The following MAPRE3 variants were observed in gnomAD, a reference collection of about 807,000 sequenced individuals.
MAPRE3 encodes microtubule associated protein RP/EB family member 3.
In MAPRE3, 2 loss-of-function variants were observed where a neutral mutation model predicts 30.5. The observed-to-expected ratio is 0.07, with a 90% CI of 0.03 to 0.21. MAPRE3 has a LOEUF of 0.21. Ranked by LOEUF, MAPRE3 falls within the 10% of genes least tolerant of loss-of-function variation. The pLI, the probability that MAPRE3 is intolerant of heterozygous loss-of-function variation, is 1.00. For missense variants in MAPRE3, 204 were observed against 351.8 expected, an observed-to-expected ratio of 0.58 and a Z score of 3.36; for synonymous variants, 110 against 127.7, an observed-to-expected ratio of 0.86 and a Z score of 0.93.
At chr2:27,019,789 T>C (rs1287280977) in intron 1 of MAPRE3, among the ~76,000 whole-genome samples, 1 of 152,246 alleles carries the variant, frequency 6.6e-6, no homozygotes, top group Non-Finnish European at 1.5e-5. Flanking sequence ...GAACTAGGAA[T>C]AAAGAAGAGG....
intron 1 of MAPRE3, among the ~76,000 whole-genome samples, chr2:26,997,361 A>AT (rs896931444): frequency 1.6e-3 from 231 of 147,390 alleles, no homozygotes; most frequent in African/African-American, 4.8e-3. Context: ...TTTTTTTGTG[A>AT]TTTTTTTTTT....
At chr2:27,024,394 C>A in intron 4 of MAPRE3, 97 bp downstream of exon 4, 1 of 1,118,922 alleles carries the variant, frequency 8.9e-7, no homozygotes, top group Non-Finnish European at 1.3e-6. Context: ...GCCCTGCCAG[C>A]CTGGAGGAGA....
intron 1 of MAPRE3, chr2:27,012,500 C>T (rs1164593067): frequency 1.3e-5 from 2 of 152,256 alleles, no homozygotes; most frequent in Non-Finnish European, 1.5e-5. Context: ...CTTTCTGGAG[C>T]TGGATGCTGT....
In MAPRE3 at chr2:27,006,808, C is replaced by T. The variant is rs1475536670; in HGVS notation, c.-7-15404C>T. 3.3e-5 allele frequency among the ~76,000 whole-genome samples: 5 copies of T among 152,112 alleles called. No homozygotes were observed. In the South Asian group the frequency reaches 6.2e-4, roughly 19 times the overall value. Reference sequence around the variant, plus strand: ...ATGAAAGGCAACTTCAAGGCAGTGGCGTCAAACTCTGGCTTATATGCCATC... The same window carrying T: ...ATGAAAGGCAACTTCAAGGCAGTGGTGTCAAACTCTGGCTTATATGCCATC... On this transcript the variant is annotated intron_variant, in intron 1 of 6. Transcript: ENST00000233121.
chr2:26,973,512 A>G (rs1282809956), intron 1 of MAPRE3, among the ~76,000 whole-genome samples: 2 of 151,872 alleles, frequency 1.3e-5, no homozygotes, highest in African/African-American at 4.8e-5. Flanking sequence ...AATTTAGCCG[A>G]GTAACATTTG....
intron 6 of MAPRE3, 58 bp from the exon 7 acceptor site, chr2:27,026,222 T>G: frequency 6.5e-7 from 1 of 1,528,826 alleles, no homozygotes; most frequent in Non-Finnish European, 9.0e-7. Flanking sequence ...TTACAGAACC[T>G]GAGAAGCCCT....
chr2:27,016,247 T>C (rs1392832721), intron 1 of MAPRE3, among the ~76,000 whole-genome samples: 5 of 151,974 alleles, frequency 3.3e-5, no homozygotes, highest in Admixed American at 1.3e-4. Flanking sequence ...GTGGATGGGG[T>C]TGGAAGACAC....
intron 1 of MAPRE3, among the ~76,000 whole-genome samples, chr2:26,981,346 G>A (rs559313665): frequency 6.6e-4 from 100 of 152,026 alleles, no homozygotes; most frequent in Non-Finnish European, 1.1e-3. Context: ...CCCTAAGGCC[G>A]GAGGTAGAGG....
chr2:27,017,086 G>A lies in MAPRE3; in HGVS notation c.-7-5126G>A, dbSNP rs1043728305. On this transcript the variant is annotated intron_variant, in intron 1 of 6. Transcript: ENST00000233121. ...GTTCTACTTACAGAGCCAAAGCTAC[G>A]AGAGGAAAATTAAAAGGGCATCCTG... is the stretch of plus-strand genomic sequence containing the variant. Among the ~76,000 whole-genome samples the A allele has an allele frequency of 3.9e-5, 6 of 152,332 alleles. No individual in the cohort carries two copies. In the South Asian group the frequency reaches 8.3e-4, roughly 21 times the overall value.
At chr2:26,995,504 C>G (rs1666432858) in intron 1 of MAPRE3, 1 of 152,140 alleles carries the variant, frequency 6.6e-6, no homozygotes, top group African/African-American at 2.4e-5. Context: ...GTCAACAAGA[C>G]TCAAGAGCCA....
intron 1 of MAPRE3, chr2:27,014,773 C>T (rs1666944922): frequency 6.6e-6 from 1 of 152,266 alleles, no homozygotes; most frequent in Non-Finnish European, 1.5e-5. Flanking sequence ...CCATGCAAGC[C>T]CAGAATAACC....
At chr2:26,977,963 G>A (rs112124615) in intron 1 of MAPRE3, among the ~76,000 whole-genome samples, 14 of 152,336 alleles carry the variant, frequency 9.2e-5, no homozygotes, top group Non-Finnish European at 1.3e-4. Context: ...CACATAGCTC[G>A]AACTGTGCTG....
chr2:27,004,224 A>G (rs757444522), intron 1 of MAPRE3, among the ~76,000 whole-genome samples: 1 of 151,860 alleles, frequency 6.6e-6, no homozygotes, highest in Non-Finnish European at 1.5e-5. Context: ...CCTTTTCACC[A>G]CCTTTTTCAT....
intron 1 of MAPRE3, among the ~76,000 whole-genome samples, chr2:26,972,017 T>C (rs190266961): frequency 6.6e-6 from 1 of 152,190 alleles, no homozygotes; most frequent in Non-Finnish European, 1.5e-5. Flanking sequence ...AGTTTTCTTT[T>C]TCCAGAAGAA....
chr2:26,996,095 A>G (rs907115548), intron 1 of MAPRE3, among the ~76,000 whole-genome samples: 11 of 151,492 alleles, frequency 7.3e-5, no homozygotes, highest in African/African-American at 2.4e-4. Context: ...ATAGAAACAG[A>G]TGAGACATTA....
chr2:27,010,663 G>A (rs1339892732), intron 1 of MAPRE3, among the ~76,000 whole-genome samples: 3 of 151,954 alleles, frequency 2.0e-5, no homozygotes, highest in East Asian at 1.9e-4. Context: ...GGCTGGTCTC[G>A]AACTCCTGAC....
At chr2:27,014,884 A>T (rs950194445) in intron 1 of MAPRE3, 4 of 152,326 alleles carry the variant, frequency 2.6e-5, no homozygotes, top group Admixed American at 2.0e-4. Flanking sequence ...GCCCAGTGAC[A>T]ATGGGCATAG....
At chr2:27,021,996 T>A (rs565780766) in intron 1 of MAPRE3, among the ~76,000 whole-genome samples, 4 of 152,272 alleles carry the variant, frequency 2.6e-5, no homozygotes, top group South Asian at 2.1e-4. Flanking sequence ...CATTTCTTAA[T>A]TAACTTGGAA....
chr2:26,972,666 TGA>T (rs1226130401), intron 1 of MAPRE3, among the ~76,000 whole-genome samples: 2 of 152,196 alleles, frequency 1.3e-5, no homozygotes, highest in Non-Finnish European at 2.9e-5. Context: ...CCTCCTGGGC[TGA>T]GTGTATTTTG....
Sources: gnomAD v4.1 joint callset for allele counts (sites outside exome capture counted in the v4.1 genomes callset) on GRCh38, gnomAD v4.1.1 for gene constraint, MANE v1.5 for transcripts, NCBI Gene and HGNC (gene_info 2026-07-23, HGNC 2026-07-21) for gene names.